The following DHX35 variants were observed in gnomAD, a reference collection of about 807,000 sequenced individuals.
DHX35 encodes DEAH-box helicase 35, also known as probable ATP-dependent RNA helicase DHX35.
DHX35 carries 84 observed loss-of-function variants against 99.6 expected under a neutral mutation model. That is an observed-to-expected ratio of 0.84 (90% CI 0.71 to 1.01). DHX35 has a LOEUF of 1.01. Among genes scored for constraint, DHX35 ranks in the 50% least tolerant of loss-of-function variants. DHX35 has a pLI of 0.00. For synonymous variants in DHX35, 331 were observed against 316.2 expected, an observed-to-expected ratio of 1.05 and a Z score of -0.50; for missense variants, 852 against 888.5, an observed-to-expected ratio of 0.96 and a Z score of 0.52.
chr20:38,973,595 T>C (rs1032967817), intron 3 of DHX35, among the ~76,000 whole-genome samples: 1 of 152,254 alleles, frequency 6.6e-6, no homozygotes, highest in East Asian at 1.9e-4. Flanking sequence ...ATATAGCTGC[T>C]TTTGTCCAAC....
intron 8 of DHX35, among the ~76,000 whole-genome samples, chr20:39,000,170 C>A (rs1034097651): frequency 6.6e-6 from 1 of 152,186 alleles, no homozygotes; most frequent in Admixed American, 6.5e-5. Flanking sequence ...CCTCCTTAGC[C>A]TTTACAGTGC....
At chr20:39,030,857 A>G (rs936797570) in intron 20 of DHX35, 82 bp downstream of exon 20, 47 of 1,474,402 alleles carry the variant, frequency 3.2e-5, no homozygotes, top group Non-Finnish European at 4.2e-5. Flanking sequence ...GTTTCTTGAC[A>G]TCGCCTCTAG....
intron 8 of DHX35, among the ~76,000 whole-genome samples, chr20:38,996,437 C>T (rs6129141): frequency 6.6e-6 from 1 of 152,126 alleles, no homozygotes; most frequent in African/African-American, 2.4e-5. Context: ...GACGGAAAGC[C>T]TTAGAGGCTC....
chr20:38,980,106 T>C (rs2086148786), intron 3 of DHX35, among the ~76,000 whole-genome samples: 1 of 152,142 alleles, frequency 6.6e-6, no homozygotes, highest in South Asian at 2.1e-4. Context: ...TTTCCACCTC[T>C]CAGCAATCAT....
At chr20:38,992,034 G>T (rs1379450468) in intron 6 of DHX35, among the ~76,000 whole-genome samples, 1 of 152,142 alleles carries the variant, frequency 6.6e-6, no homozygotes, top group Non-Finnish European at 1.5e-5. Flanking sequence ...GTTGGGCTTT[G>T]TTCTGATTTT....
At chr20:38,994,580 T>G (rs545452400) in intron 7 of DHX35, among the ~76,000 whole-genome samples, 2 of 152,096 alleles carry the variant, frequency 1.3e-5, no homozygotes, top group South Asian at 2.1e-4. Context: ...TTAAAAAAAT[T>G]TACTTTGGAA....
intron 20 of DHX35, among the ~76,000 whole-genome samples, chr20:39,032,944 C>T (rs1486134405): frequency 1.3e-5 from 2 of 152,198 alleles, no homozygotes; most frequent in African/African-American, 2.4e-5. Context: ...AGGATACGCA[C>T]ACTCGTGTGC....
In DHX35 at chr20:39,025,346, G is replaced by A. The variant is rs1212241147; in HGVS notation, c.1788G>A (p.Arg596=). ...TTCTTGTCAAGTTTCAAGTGCCCAG[G>A]AAGTCTAGTGAAGGTGAGAAGAAAC... ...KKLLVKFQVP[R]KSSEGDPDLV... Residue 596 remains arginine (R), a synonymous_variant, in exon 18 of 22, where the codon AGG becomes AGA. Transcript: ENST00000252011. The A allele has an allele frequency of 6.2e-7, 1 of 1,613,472 alleles. No homozygotes were observed. The highest frequency in any genetic ancestry group is 8.5e-7 in the Non-Finnish European group (1 of 1,179,716).
intron 7 of DHX35, among the ~76,000 whole-genome samples, chr20:38,992,979 A>G (rs766440324): frequency 8.2e-4 from 125 of 152,180 alleles, no homozygotes; most frequent in Non-Finnish European, 1.5e-3. Context: ...AATGACCCCC[A>G]TGTACCCTTC....
chr20:38,994,645 T>TCCC (rs2086397953), intron 7 of DHX35, among the ~76,000 whole-genome samples, 176 bp from the exon 8 acceptor site: 7 of 101,380 alleles, frequency 6.9e-5, no homozygotes, highest in African/African-American at 2.2e-4. Context: ...CCCCCCCCCT[T>TCCC]TATTGACAAT....
intron 3 of DHX35, chr20:38,977,710 TTGC>T: frequency 2.6e-6 from 1 of 384,680 alleles, no homozygotes; most frequent in South Asian, 2.2e-5. Flanking sequence ...ATATCAACTG[TTGC>T]TGCTTGCATT....
chr20:39,038,397 C>T, intron 21 of DHX35, 102 bp from the exon 22 acceptor site: 1 of 1,290,702 alleles, frequency 7.7e-7, no homozygotes, highest in South Asian at 1.2e-5. Context: ...AAGGTGTGGA[C>T]CAGATGGAAG....
chr20:39,021,720 A>T, intron 15 of DHX35, 121 bp from the exon 16 acceptor site: 1 of 969,116 alleles, frequency 1.0e-6, no homozygotes, highest in Non-Finnish European at 1.6e-6. Context: ...TTTAAAAATT[A>T]AGCTCTAGAA....
At chr20:39,037,094 A>G (rs1465499321) in intron 21 of DHX35, among the ~76,000 whole-genome samples, 1 of 151,500 alleles carries the variant, frequency 6.6e-6, no homozygotes, top group Non-Finnish European at 1.5e-5. Context: ...CTTTGTTTAT[A>G]TTCAACATTC....
intron 21 of DHX35, among the ~76,000 whole-genome samples, chr20:39,035,217 G>A (rs143040226): frequency 3.1e-4 from 47 of 152,204 alleles, no homozygotes; most frequent in Non-Finnish European, 5.3e-4. Context: ...GATTACAGGC[G>A]TGCGCCACCA....
In DHX35 at chr20:39,038,727, A is replaced by G; in HGVS notation, c.*184A>G. On this transcript the variant is annotated 3_prime_UTR_variant, in exon 22 of 22. Coordinates refer to ENST00000252011, the MANE Select transcript of DHX35 (RefSeq NM_021931.4). ...CCACAGCATTTGCATCCTTGCTGGG[A>G]TCCTGGAGGACTTTGTGCATGGGCA... is the stretch of plus-strand genomic sequence containing the variant. The G allele has an allele frequency of 1.6e-6, 1 of 631,492 alleles. No homozygotes were observed. Among genetic ancestry groups the G allele is most frequent in the Non-Finnish European group, 2.7e-6 (1 of 364,816 alleles). 39.1% of individuals were successfully genotyped at this position (631,492 alleles called of 1,614,324 possible). A position where few individuals can be genotyped will look rare whatever the true frequency, so the allele number is the denominator to read the frequency against.
intron 17 of DHX35, among the ~76,000 whole-genome samples, 188 bp from the exon 18 acceptor site, chr20:39,025,042 G>A (rs966514219): frequency 2.0e-5 from 3 of 152,200 alleles, no homozygotes; most frequent in Non-Finnish European, 4.4e-5. Context: ...AGGTTGCAGA[G>A]CAGTCAGATG....
intron 2 of DHX35, among the ~76,000 whole-genome samples, chr20:38,971,717 G>T (rs2085999884): frequency 2.0e-5 from 3 of 152,032 alleles, no homozygotes. Context: ...AGTTACTAGG[G>T]TATTATTCAC....
intron 4 of DHX35, among the ~76,000 whole-genome samples, chr20:38,988,433 C>T (rs2086281812): frequency 1.3e-5 from 2 of 152,040 alleles, no homozygotes; most frequent in Non-Finnish European, 2.9e-5. Flanking sequence ...AGTTTAAGAC[C>T]AGCCTGGCCA....
Sources: allele counts gnomAD v4.1 joint callset (sites outside exome capture counted in the v4.1 genomes callset), GRCh38; gene constraint gnomAD v4.1.1; transcripts MANE v1.5; gene names NCBI Gene and HGNC (gene_info 2026-07-23, HGNC 2026-07-21).